Variants in AGO3 observed in about 807,000 individuals in gnomAD.
The protein encoded by AGO3 is protein argonaute-3.
AGO3 carries 16 observed loss-of-function variants against 105.5 expected under a neutral mutation model. The ratio of observed to expected loss-of-function variants is 0.15; its 90% CI spans 0.10 to 0.23. AGO3 has a LOEUF of 0.23. AGO3 is among the 10% of genes least tolerant of loss of function. The probability of loss-of-function intolerance (pLI) is 1.00; values close to 1 mark genes in which losing one functional copy is unlikely to be tolerated. For synonymous variants in AGO3, 340 were observed against 367.3 expected, an observed-to-expected ratio of 0.93 and a Z score of 0.85; for missense variants, 534 against 1,088.0, an observed-to-expected ratio of 0.49 and a Z score of 7.16.
intron 1 of AGO3, among the ~76,000 whole-genome samples, chr1:35,940,586 A>G (rs1193571002): frequency 6.6e-6 from 1 of 152,138 alleles, no homozygotes; most frequent in African/African-American, 2.4e-5. Flanking sequence ...GTAAACTGCT[A>G]GTGGATCCAA....
rs533634075 is a variant in AGO3 at position 36,060,668 on chromosome 1, T to C, written c.*4923T>C. ...CATTAAACCTGAGTTAAATGTTTGC[T>C]TAGCTTATCCTCTTAGATGTTCTTC... On this transcript the variant is annotated 3_prime_UTR_variant, in exon 19 of 19. Transcript: ENST00000373191. The C allele has an allele frequency of 6.6e-6, 1 of 152,374 alleles. No homozygotes were observed. The highest frequency in any genetic ancestry group is 1.5e-5 in the Non-Finnish European group (1 of 68,038). The allele number at this position is 152,374 out of a possible 1,614,324, so 9.4% of individuals were successfully genotyped here. A position where few individuals can be genotyped will look rare whatever the true frequency, so the allele number is the denominator to read the frequency against.
chr1:35,982,948 A>G (rs2148785235), intron 5 of AGO3: 2 of 278,204 alleles, frequency 7.2e-6, no homozygotes, highest in Admixed American at 1.0e-4. Flanking sequence ...AACCAGTACG[A>G]AGTATAGAGA....
chr1:36,016,457 C>T (rs568674353), intron 11 of AGO3, among the ~76,000 whole-genome samples: 2 of 152,308 alleles, frequency 1.3e-5, no homozygotes, highest in African/African-American at 2.4e-5. Context: ...GCTGGGATTA[C>T]AGGCGTGAGC....
At chr1:35,937,251 A>G (rs1161024265) in intron 1 of AGO3, among the ~76,000 whole-genome samples, 2 of 152,142 alleles carry the variant, frequency 1.3e-5, no homozygotes, top group African/African-American at 4.8e-5. Context: ...AAAATACAAA[A>G]AATTAGCCGG....
At chr1:35,945,920 A>T (rs1009213582) in intron 2 of AGO3, 57 bp downstream of exon 2, 2 of 1,513,210 alleles carry the variant, frequency 1.3e-6, no homozygotes, top group Admixed American at 3.7e-5. Flanking sequence ...GTAATTATCC[A>T]TGTTTATTTT....
intron 2 of AGO3, among the ~76,000 whole-genome samples, chr1:35,957,690 C>A (rs1478463268): frequency 6.6e-6 from 1 of 152,174 alleles, no homozygotes; most frequent in African/African-American, 2.4e-5. Context: ...TGTGCCACTG[C>A]ACTCCAGCCT....
At chr1:35,992,193 A>G (rs556991106) in intron 5 of AGO3, 4 of 152,308 alleles carry the variant, frequency 2.6e-5, no homozygotes, top group South Asian at 2.1e-4. Flanking sequence ...AGCATTTAAT[A>G]TGTTAAAGTC....
chr1:36,034,096 A>C, intron 12 of AGO3, 78 bp from the exon 13 acceptor site: 4 of 1,346,262 alleles, frequency 3.0e-6, no homozygotes, highest in Non-Finnish European at 3.9e-6. Flanking sequence ...AGGGGGAAAC[A>C]TAGTAGCTTT....
chr1:36,011,584 T>C (rs1209429920), intron 9 of AGO3, among the ~76,000 whole-genome samples: 2 of 152,162 alleles, frequency 1.3e-5, no homozygotes, highest in East Asian at 1.9e-4. Context: ...GAAAGTATCA[T>C]ATGGTAGTTT....
At chr1:36,048,153 GA>G (rs548337816) in intron 17 of AGO3, among the ~76,000 whole-genome samples, 22 of 149,774 alleles carry the variant, frequency 1.5e-4, no homozygotes, top group African/African-American at 4.6e-4. Flanking sequence ...TCAAAGGGCT[GA>G]AAAAAAAAAT....
intron 14 of AGO3, among the ~76,000 whole-genome samples, chr1:36,039,355 G>T (rs1450308485): frequency 6.6e-6 from 1 of 151,946 alleles, no homozygotes; most frequent in Non-Finnish European, 1.5e-5. Flanking sequence ...TTAGCTGGGG[G>T]TGGTGGTGCA....
intron 2 of AGO3, among the ~76,000 whole-genome samples, chr1:35,963,475 A>G (rs1646715111): frequency 6.6e-6 from 1 of 152,190 alleles, no homozygotes; most frequent in African/African-American, 2.4e-5. Flanking sequence ...TTCATCAAAC[A>G]AATTAGAAGA....
rs759085356 is a variant in AGO3, at chr1:35,994,042, A to ATTTTTTTTT, written c.659-10281_659-10273dup. On this transcript the variant is annotated intron_variant, in intron 5 of 18. Transcript: ENST00000373191. ...TACATGCGTGAGCCACTGCGCCCAG[A>ATTTTTTTTT]TTTTTTTTTTTTTTTTTTTTTTTTT... Among the ~76,000 whole-genome samples the ATTTTTTTTT allele has an allele frequency of 3.0e-4, 20 of 65,840 alleles. 1 individual carries two copies. Among genetic ancestry groups the ATTTTTTTTT allele is most frequent in the African/African-American group, 1.2e-3 (17 of 14,088 alleles). The allele number at this position is 65,840 out of a possible 152,430, so 43.2% of individuals were successfully genotyped here.
chr1:35,959,979 G>T (rs929285102), intron 2 of AGO3, among the ~76,000 whole-genome samples: 2 of 151,404 alleles, frequency 1.3e-5, no homozygotes, highest in Non-Finnish European at 2.9e-5. Flanking sequence ...CATTTTTATT[G>T]ATAAAGAAAC....
intron 5 of AGO3, among the ~76,000 whole-genome samples, chr1:35,974,029 T>G (rs1646914243): frequency 6.6e-6 from 1 of 152,196 alleles, no homozygotes; most frequent in Non-Finnish European, 1.5e-5. Flanking sequence ...TTTTCTACCT[T>G]TGCGTAATCC....
chr1:36,045,616 C>T (rs1436206159), intron 17 of AGO3, among the ~76,000 whole-genome samples: 1 of 151,678 alleles, frequency 6.6e-6, no homozygotes, highest in Non-Finnish European at 1.5e-5. Flanking sequence ...GATCTCAGCT[C>T]ACTGCAATCT....
At chr1:36,012,526 T>C (rs765460156) in intron 9 of AGO3, among the ~76,000 whole-genome samples, 13 of 152,112 alleles carry the variant, frequency 8.5e-5, no homozygotes, top group Non-Finnish European at 1.5e-4. Context: ...TATCTGTCTT[T>C]AAGTGTATTC....
At chr1:35,978,771 C>T (rs1055297687) in intron 5 of AGO3, among the ~76,000 whole-genome samples, 11 of 152,118 alleles carry the variant, frequency 7.2e-5, no homozygotes, top group Non-Finnish European at 2.9e-5. Context: ...AGTTATTTTT[C>T]TATCTATTTT....
chr1:35,958,578 T>C (rs1646617962), intron 2 of AGO3, among the ~76,000 whole-genome samples: 2 of 151,616 alleles, frequency 1.3e-5, no homozygotes, highest in African/African-American at 2.4e-5. Flanking sequence ...GGAGAATGGC[T>C]TGAGGCAGAG....
Sources: allele counts gnomAD v4.1 joint callset (sites outside exome capture counted in the v4.1 genomes callset), GRCh38; gene constraint gnomAD v4.1.1; transcripts MANE v1.5; gene names NCBI Gene and HGNC (gene_info 2026-07-23, HGNC 2026-07-21).